The following DENND1A variants were observed in gnomAD, a reference collection of about 807,000 sequenced individuals.
DENND1A encodes DENN domain containing 1A, also known as DENN domain-containing protein 1A.
Under a neutral mutation model 113.7 loss-of-function variants are expected in DENND1A, and 51 were observed. The observed-to-expected ratio is 0.45, with a 90% CI of 0.36 to 0.57. The LOEUF (loss-of-function observed/expected upper bound fraction) is 0.57. Ranked by LOEUF, DENND1A falls within the 20% of genes least tolerant of loss-of-function variation. The probability of loss-of-function intolerance (pLI) is 0.00; values close to 1 mark genes in which losing one functional copy is unlikely to be tolerated. For synonymous variants in DENND1A, 565 were observed against 570.8 expected (o/e 0.99, Z 0.14); for missense variants, 1,258 against 1,395.9 (o/e 0.90, Z 1.57).
At chr9:123,834,982 C>T (rs1840830736) in intron 2 of DENND1A, among the ~76,000 whole-genome samples, 1 of 152,096 alleles carries the variant, frequency 6.6e-6, no homozygotes, top group Non-Finnish European at 1.5e-5. Context: ...TTAAAAAATA[C>T]TGCAAGCTGT....
intron 1 of DENND1A, among the ~76,000 whole-genome samples, chr9:123,916,284 A>T (rs1388359207): frequency 6.6e-6 from 1 of 152,078 alleles, no homozygotes; most frequent in Non-Finnish European, 1.5e-5. Context: ...TAAAATGAGA[A>T]AAGTTAAGGG....
At chr9:123,450,321 T>C (rs1203981921) in intron 18 of DENND1A, among the ~76,000 whole-genome samples, 1 of 152,224 alleles carries the variant, frequency 6.6e-6, no homozygotes, top group East Asian at 1.9e-4. Flanking sequence ...CTCCTTGGTT[T>C]TGGTTACAAC....
intron 5 of DENND1A, among the ~76,000 whole-genome samples, chr9:123,708,241 T>C (rs28401331): frequency 1.3e-5 from 2 of 152,166 alleles, no homozygotes; most frequent in Non-Finnish European, 2.9e-5. Context: ...GGCAATAGAC[T>C]CTCCAGTGTT....
chr9:123,453,039 C>T (rs1376565697), intron 16 of DENND1A, among the ~76,000 whole-genome samples: 1 of 152,140 alleles, frequency 6.6e-6, no homozygotes, highest in Non-Finnish European at 1.5e-5. Context: ...CCTTCCCGCT[C>T]CTAAAAGAGG....
At chr9:123,928,845 A>C in intron 1 of DENND1A, 1 of 985,452 alleles carries the variant, frequency 1.0e-6, no homozygotes, top group South Asian at 4.7e-5. Context: ...ACATTCCACA[A>C]ACTTTCTTGT....
chr9:123,898,103 C>G (rs1442327453), intron 1 of DENND1A, among the ~76,000 whole-genome samples: 2 of 152,092 alleles, frequency 1.3e-5, no homozygotes. Context: ...GTGCCCAGCC[C>G]AGACTTTGTA....
At chr9:123,636,619 C>T (rs1360888448) in intron 9 of DENND1A, among the ~76,000 whole-genome samples, 4 of 151,558 alleles carry the variant, frequency 2.6e-5, no homozygotes, top group South Asian at 2.1e-4. Context: ...GACACAGAGT[C>T]GGTGCTGAGT....
At chr9:123,430,895 T>C (rs1236615018) in intron 19 of DENND1A, among the ~76,000 whole-genome samples, 1 of 152,056 alleles carries the variant, frequency 6.6e-6, no homozygotes, top group African/African-American at 2.4e-5. Context: ...TCCCAGCAAC[T>C]TGGGGGCTGA....
At chr9:123,767,243 G>C (rs1031449078) in intron 4 of DENND1A, among the ~76,000 whole-genome samples, 1 of 152,120 alleles carries the variant, frequency 6.6e-6, no homozygotes, top group South Asian at 2.1e-4. Flanking sequence ...TGGGGGAACA[G>C]AAAGAAAATA....
At chr9:123,900,645 G>C (rs597189) in intron 1 of DENND1A, among the ~76,000 whole-genome samples, 44,199 of 152,116 alleles carry the variant, frequency 0.29, 10,301 homozygotes, top group African/African-American at 0.65. Flanking sequence ...AATACACTTA[G>C]AATCACATCG....
intron 9 of DENND1A, among the ~76,000 whole-genome samples, chr9:123,649,850 A>G (rs927743748): frequency 1.3e-5 from 2 of 152,212 alleles, no homozygotes; most frequent in Non-Finnish European, 2.9e-5. Context: ...TATGAGAGCA[A>G]AATCACACAG....
chr9:123,913,899 C>CAA (rs539054836), intron 1 of DENND1A, among the ~76,000 whole-genome samples: 2,700 of 108,124 alleles, frequency 0.025, 41 homozygotes, highest in Middle Eastern at 0.11. Context: ...ACTCCTATCT[C>CAA]AAAAAAAAAA....
At chr9:123,443,734 C>T (rs913357748) in intron 18 of DENND1A, among the ~76,000 whole-genome samples, 6 of 152,212 alleles carry the variant, frequency 3.9e-5, no homozygotes, top group Admixed American at 3.3e-4. Context: ...GTGGAAGGAT[C>T]ACTTGAGCCC....
At position 123,557,630 on chromosome 9, in the gene DENND1A, C is replaced by T. The variant is rs757631544; in HGVS notation, c.933G>A (p.Ala311=). The change falls in exon 13 of 24, where the codon GCG becomes GCA. Residue 311 remains alanine, a synonymous_variant. Transcript: ENST00000394215. ...AGAAAGCAGCCTGGGCCTTGAGGAACGCTCTGGCCACACCATCCCCAGTGG... is the reference window on the plus strand; with the variant it reads ...AGAAAGCAGCCTGGGCCTTGAGGAATGCTCTGGCCACACCATCCCCAGTGG... ...STTTGDGVAR[A]FLKAQAAFFG... The T allele has an allele frequency of 2.0e-5, 32 of 1,614,036 alleles. No homozygotes were observed. The African/African-American group carries it at 2.1e-4, about 11-fold the overall frequency.
Position 123,546,750 on chromosome 9 carries a change from A to T in DENND1A, c.993+10820T>A, listed in dbSNP as rs1589080641. ...TATAAAACATGGCCCCATGCTTTAA[A>T]GGAGCAAAGTAAGAAAGGAGCCAGG... On this transcript the variant is annotated intron_variant, in intron 13 of 23. Transcript: ENST00000394215. Among the ~76,000 whole-genome samples, 2 of 152,332 alleles carry T rather than the reference A, an allele frequency of 1.3e-5. 1 individual carries two copies. The highest frequency in any genetic ancestry group is 4.1e-4 in the South Asian group (2 of 4,822).
At chr9:123,442,222 A>T (rs1339976847) in intron 18 of DENND1A, among the ~76,000 whole-genome samples, 3 of 152,204 alleles carry the variant, frequency 2.0e-5, no homozygotes, top group Non-Finnish European at 4.4e-5. Context: ...AGACCTGAGA[A>T]GTCTGTACTG....
intron 11 of DENND1A, among the ~76,000 whole-genome samples, chr9:123,587,038 A>C (rs923233376): frequency 1.3e-4 from 19 of 151,652 alleles, no homozygotes; most frequent in African/African-American, 4.4e-4. Context: ...TAATAGACAC[A>C]CACGAGATAG....
At chr9:123,670,734 T>C (rs1017616286) in intron 7 of DENND1A, among the ~76,000 whole-genome samples, 6 of 152,184 alleles carry the variant, frequency 3.9e-5, no homozygotes, top group Admixed American at 3.9e-4. Flanking sequence ...CAATAGGGTG[T>C]AACTAAGTAC....
intron 8 of DENND1A, among the ~76,000 whole-genome samples, chr9:123,653,785 C>A (rs778674965): frequency 6.6e-6 from 1 of 151,938 alleles, no homozygotes; most frequent in Non-Finnish European, 1.5e-5. Flanking sequence ...TACCGTTACC[C>A]CATTCACGGA....
Sources: gnomAD v4.1 joint callset for allele counts (sites outside exome capture counted in the v4.1 genomes callset) on GRCh38, gnomAD v4.1.1 for gene constraint, MANE v1.5 for transcripts, NCBI Gene and HGNC (gene_info 2026-07-23, HGNC 2026-07-21) for gene names.